RET: variants seen among roughly 807,000 people sequenced by gnomAD.
RET encodes proto-oncogene tyrosine-protein kinase receptor Ret.
Under a neutral mutation model 118.3 loss-of-function variants are expected in RET, and 19 were observed. The observed-to-expected ratio is 0.16, with a 90% CI of 0.11 to 0.24. The LOEUF (loss-of-function observed/expected upper bound fraction) is 0.24, where lower values mean the gene tolerates loss of function less well. Among genes scored for constraint, RET ranks in the 10% least tolerant of loss-of-function variants. RET has a pLI of 1.00. For synonymous variants in RET, 597 were observed against 644.1 expected (o/e 0.93, Z 1.11); for missense variants, 1,219 against 1,502.1 (o/e 0.81, Z 3.12).
intron 1 of RET, among the ~76,000 whole-genome samples, chr10:43,089,539 G>A (rs946264215): frequency 2.6e-5 from 4 of 152,226 alleles, no homozygotes; most frequent in Non-Finnish European, 5.9e-5. Context: ...GCGTGCAGGT[G>A]GCGTAGGAAG....
In RET at chr10:43,114,384, G is replaced by A. The variant is rs1838013761; in HGVS notation, c.1880-96G>A. 2.6e-6 allele frequency: 4 copies of A among 1,540,612 alleles called. No homozygotes were observed. On this transcript the variant is annotated intron_variant, in intron 10 of 19. Transcript: ENST00000355710. This position sits in a 1 kb window ranked among gnomAD's most constrained non-coding sequence, Gnocchi z 4.6. ...CCACTTCCCAGCTGGCGCGGACACG[G>A]CAGGCTGGAGAGCCATGAGGCAGAG...
chr10:43,118,286 G>A, intron 12 of RET, 87 bp from the exon 13 acceptor site: 3 of 1,022,158 alleles, frequency 2.9e-6, no homozygotes, highest in Non-Finnish European at 4.5e-6. Flanking sequence ...CTTGGGCAAG[G>A]CGATGCAGGT....
At chr10:43,120,316 C>T (rs1588877837) in intron 15 of RET, 113 bp downstream of exon 15, 1 of 1,421,266 alleles carries the variant, frequency 7.0e-7, no homozygotes, top group South Asian at 1.2e-5. Context: ...GAGCTCTAAG[C>T]TTTTTATAGC....
intron 6 of RET, 92 bp downstream of exon 6, chr10:43,109,322 A>G: frequency 1.6e-6 from 2 of 1,264,252 alleles, no homozygotes; most frequent in Non-Finnish European, 1.1e-6. Flanking sequence ...TCTTGGCCCA[A>G]CCAGCACAGA....
At position 43,111,197 on chromosome 10, in the gene RET, G is replaced by C; in HGVS notation, c.1264-10G>C. The stretch of plus-strand genomic sequence containing the variant: ...CTGCCTGGCTAAGGTGTTCCCCTGT[G>C]CCCCCCTAGATCGGGAAAGTCTGTG... On this transcript the variant is annotated splice_polypyrimidine_tract_variant and intron_variant, in intron 6 of 19. Coordinates refer to ENST00000355710, the MANE Select transcript of RET (RefSeq NM_020975.6). The C allele has an allele frequency of 6.2e-7, 1 of 1,613,456 alleles. No individual in the cohort carries two copies. The highest frequency in any genetic ancestry group is 8.5e-7 in the Non-Finnish European group (1 of 1,179,936).
chr10:43,100,835 T>G (rs1588862868), intron 2 of RET, 113 bp downstream of exon 2: 1 of 1,197,810 alleles, frequency 8.3e-7, no homozygotes, highest in Non-Finnish European at 1.2e-6. Context: ...CCACCGCTGG[T>G]GTGGAAGGCG....
At chr10:43,082,694 G>A (rs866233592) in intron 1 of RET, among the ~76,000 whole-genome samples, 9 of 152,240 alleles carry the variant, frequency 5.9e-5, no homozygotes, top group Non-Finnish European at 7.3e-5. Flanking sequence ...GCAGGAGCAG[G>A]ACAGTGGCCA....
At chr10:43,119,932 C>A in intron 14 of RET, 149 bp from the exon 15 acceptor site, 1 of 1,313,692 alleles carries the variant, frequency 7.6e-7, no homozygotes, top group Non-Finnish European at 1.1e-6. Context: ...CTGACTCCAC[C>A]ACGCCCCTGC....
intron 1 of RET, among the ~76,000 whole-genome samples, chr10:43,083,572 T>G (rs531258302): frequency 2.6e-5 from 4 of 152,152 alleles, no homozygotes; most frequent in Non-Finnish European, 5.9e-5. Context: ...CTGTGTTCCG[T>G]GGGATCCTGT....
At position 43,114,249 on chromosome 10, in the gene RET, C is replaced by A. The variant is rs961448312; in HGVS notation, c.1880-231C>A. On this transcript the variant is annotated intron_variant, in intron 10 of 19. Coordinates refer to ENST00000355710, the MANE Select transcript of RET (RefSeq NM_020975.6). This position sits in a 1 kb window ranked among gnomAD's most constrained non-coding sequence, Gnocchi z 4.6. ...GACCTTGGCAGGCTGCTCAGCCTCT[C>A]TGAGCCTCTGTCTCCATCTGTAAGA... Among the ~76,000 whole-genome samples the A allele has an allele frequency of 5.3e-5, 8 of 152,248 alleles. No individual in the cohort carries two copies. Among genetic ancestry groups the A allele is most frequent in the Non-Finnish European group, 1.0e-4 (7 of 68,046 alleles).
At position 43,109,124 on chromosome 10, in the gene RET, C is replaced by T. The variant is rs115272158; in HGVS notation, c.1157C>T (p.Ala386Val). ...VNDSDFQGPG[A>V]GVLLLHFNVS... The stretch of plus-strand genomic sequence containing the variant: ...GACTCAGACTTCCAGGGCCCAGGAG[C>T]GGGCGTCCTCTTGCTCCACTTCAAC... Residue 386 changes from alanine to valine, a missense_variant, in exon 6 of 20, where the codon GCG (alanine) becomes GTG (valine). By Grantham distance (64) the Ala-to-Val change is moderately conservative. Coordinates refer to ENST00000355710, the MANE Select transcript of RET (RefSeq NM_020975.6). The T allele has an allele frequency of 1.5e-4, 249 of 1,613,872 alleles. No individual in the cohort carries two copies. In the African/African-American group the frequency reaches 2.9e-3, roughly 19 times the overall value.
rs576806329 is a variant in RET at position 43,105,019 on chromosome 10, C to T, written c.693C>T (p.Arg231=). ...TGAGCACGCGCTGGGCCCTGGACCG[C>T]GAGCAGCGGGAGAAGTACGAGCTGG... ...LEVSTRWALD[R]EQREKYELVA... is the part of the protein sequence containing the mutation. The change falls in exon 4 of 20, where the codon CGC becomes CGT. Residue 231 remains arginine (R), a synonymous_variant. Coordinates refer to ENST00000355710, the MANE Select transcript of RET (RefSeq NM_020975.6). The T allele has an allele frequency of 4.6e-5, 73 of 1,599,928 alleles. No homozygotes were observed. In the East Asian group the frequency reaches 1.5e-3, roughly 33 times the overall value.
intron 9 of RET, 124 bp from the exon 10 acceptor site, chr10:43,113,432 C>A: frequency 8.4e-7 from 1 of 1,193,056 alleles, no homozygotes; most frequent in Non-Finnish European, 1.1e-6. Context: ...GGCCCCTGGC[C>A]TCACTGGGCC....
chr10:43,105,422 G>A (rs1389747652), intron 4 of RET, among the ~76,000 whole-genome samples: 1 of 152,090 alleles, frequency 6.6e-6, no homozygotes, highest in African/African-American at 2.4e-5. Context: ...GACGAGGCCC[G>A]AGGGCTCGCG....
chr10:43,127,922 G>A (rs1016455226), intron 19 of RET, among the ~76,000 whole-genome samples, 190 bp from the exon 20 acceptor site: 14 of 152,138 alleles, frequency 9.2e-5, no homozygotes, highest in African/African-American at 3.1e-4. Context: ...CATTTACCAA[G>A]AGAGCACATG....
intron 5 of RET, among the ~76,000 whole-genome samples, chr10:43,108,430 C>T (rs2472741): frequency 0.21 from 31,901 of 152,154 alleles, 3,890 homozygotes; most frequent in South Asian, 0.29. Flanking sequence ...ACAAAGAGTC[C>T]GATCTGTCAG....
In RET at chr10:43,116,609, G is replaced by C. The variant is rs1356141763; in HGVS notation, c.2162G>C (p.Arg721Pro). The C allele has an allele frequency of 6.2e-7, 1 of 1,614,132 alleles. No homozygotes were observed. Among genetic ancestry groups the C allele is most frequent in the Non-Finnish European group, 8.5e-7 (1 of 1,180,026 alleles). Reference sequence around the variant, plus strand: ...GAGGATCCAAAGTGGGAATTCCCTCGGAAGAACTTGGTTCTTGGAAAAACT... The same window carrying C: ...GAGGATCCAAAGTGGGAATTCCCTCCGAAGAACTTGGTTCTTGGAAAAACT... ...ILEDPKWEFP[R>P]KNLVLGKTLG... Residue 721 changes from arginine to proline, a missense_variant, in exon 12 of 20, where the codon CGG (arginine) becomes CCG (proline). Around this residue, in one of 5 missense-constraint regions of RET, gnomAD observed 850 missense variants for 969.6 expected, o/e 0.88. Transcript: ENST00000355710.
chr10:43,093,522 C>T (rs1250818318), intron 1 of RET, among the ~76,000 whole-genome samples: 2 of 152,172 alleles, frequency 1.3e-5, no homozygotes, highest in African/African-American at 2.4e-5. Flanking sequence ...TGCTGCACAC[C>T]AGCATAGAGA....
chr10:43,120,397 T>C (rs1167148653), intron 15 of RET, among the ~76,000 whole-genome samples, 194 bp downstream of exon 15: 1 of 152,182 alleles, frequency 6.6e-6, no homozygotes, highest in Non-Finnish European at 1.5e-5. Flanking sequence ...CTCTGCCATG[T>C]CCTTCTCCTC....
Sources: allele counts gnomAD v4.1 joint callset (sites outside exome capture counted in the v4.1 genomes callset), GRCh38; gene constraint gnomAD v4.1.1; regional missense constraint gnomAD v4.1.1; non-coding constraint Gnocchi (gnomAD v3.1); transcripts MANE v1.5; gene names NCBI Gene and HGNC (gene_info 2026-07-23, HGNC 2026-07-21).